CALN1: variants seen among roughly 807,000 people sequenced by gnomAD.
CALN1 encodes the protein calneuron 1.
CALN1 carries 17 observed loss-of-function variants against 30.6 expected under a neutral mutation model. The ratio of observed to expected loss-of-function variants is 0.56; its 90% CI spans 0.38 to 0.83. The LOEUF (loss-of-function observed/expected upper bound fraction) is 0.83, where lower values mean the gene tolerates loss of function less well. CALN1 is among the 40% of genes least tolerant of loss of function. CALN1 has a pLI of 0.00. For missense variants in CALN1, 291 were observed against 354.9 expected, an observed-to-expected ratio of 0.82 and a Z score of 1.45; for synonymous variants, 156 against 131.4, an observed-to-expected ratio of 1.19 and a Z score of -1.28.
chr7:72,405,685 G>A (rs1264167612), intron 1 of CALN1, among the ~76,000 whole-genome samples: 1 of 151,676 alleles, frequency 6.6e-6, no homozygotes, highest in Non-Finnish European at 1.5e-5. Flanking sequence ...AAGTTAAACA[G>A]GAGAAGCAAG....
At chr7:72,038,373 A>ATT (rs60584202) in intron 4 of CALN1, among the ~76,000 whole-genome samples, 4 of 144,678 alleles carry the variant, frequency 2.8e-5, no homozygotes, top group Non-Finnish European at 1.5e-5. Context: ...CCTAGTATCT[A>ATT]TTTTTTTTTT....
chr7:71,807,767 C>T (rs1787704484), intron 6 of CALN1, among the ~76,000 whole-genome samples: 1 of 151,948 alleles, frequency 6.6e-6, no homozygotes, highest in Non-Finnish European at 1.5e-5. Flanking sequence ...TGGTAAAACC[C>T]CATCTCTACT....
At chr7:72,091,059 G>C (rs1026439593) in intron 4 of CALN1, among the ~76,000 whole-genome samples, 3 of 152,148 alleles carry the variant, frequency 2.0e-5, no homozygotes, top group Non-Finnish European at 4.4e-5. Context: ...AGGGCGCGGT[G>C]GCTCATGCCT....
intron 5 of CALN1, among the ~76,000 whole-genome samples, chr7:71,857,039 T>TGTGG (rs1790999670): frequency 6.6e-6 from 1 of 151,650 alleles, no homozygotes; most frequent in African/African-American, 2.4e-5. Context: ...TGTGTGTGTG[T>TGTGG]GTGTGTGTGT....
chr7:71,917,597 A>G (rs1345330454), intron 5 of CALN1, among the ~76,000 whole-genome samples: 1 of 152,142 alleles, frequency 6.6e-6, no homozygotes, highest in African/African-American at 2.4e-5. Context: ...GGCCTCAGGA[A>G]ACTTACAATC....
At chr7:71,835,904 T>C (rs57404653) in intron 5 of CALN1, among the ~76,000 whole-genome samples, 2,610 of 152,302 alleles carry the variant, frequency 0.017, 56 homozygotes, top group African/African-American at 0.06. Context: ...ATTTGGAATA[T>C]TGCAAAGCAA....
intron 3 of CALN1, among the ~76,000 whole-genome samples, chr7:72,213,435 T>C (rs1207339571): frequency 6.6e-6 from 1 of 152,140 alleles, no homozygotes; most frequent in Non-Finnish European, 1.5e-5. Flanking sequence ...TGCCTGGGGC[T>C]GGGAGTGAGA....
intron 5 of CALN1, among the ~76,000 whole-genome samples, chr7:72,001,178 A>C (rs1201939131): frequency 1.3e-5 from 2 of 152,142 alleles, no homozygotes; most frequent in Non-Finnish European, 2.9e-5. Context: ...TCTCAATAAG[A>C]TCTCAGGAGT....
chr7:72,376,232 G>T (rs1353906554), intron 2 of CALN1, among the ~76,000 whole-genome samples: 3 of 152,130 alleles, frequency 2.0e-5, no homozygotes, highest in Non-Finnish European at 4.4e-5. Flanking sequence ...GTGAACATGT[G>T]TTTTCAATTC....
intron 3 of CALN1, among the ~76,000 whole-genome samples, chr7:72,137,432 G>T (rs1022267913): frequency 2.0e-5 from 3 of 152,152 alleles, no homozygotes; most frequent in Non-Finnish European, 4.4e-5. Flanking sequence ...ATATTTGTTG[G>T]AATCACCAAA....
intron 3 of CALN1, among the ~76,000 whole-genome samples, chr7:72,212,275 C>T (rs1042752832): frequency 6.8e-6 from 1 of 147,304 alleles, no homozygotes; most frequent in Admixed American, 7.0e-5. Context: ...CCTGAACCCA[C>T]GAGGTGGAGG....
At chr7:72,341,282 G>A (rs1802369408) in intron 2 of CALN1, among the ~76,000 whole-genome samples, 1 of 152,174 alleles carries the variant, frequency 6.6e-6, no homozygotes, top group Non-Finnish European at 1.5e-5. Context: ...CAGCACTTTG[G>A]GAAGCCGAGG....
At chr7:72,281,332 A>T (rs1309516022) in intron 2 of CALN1, among the ~76,000 whole-genome samples, 1 of 152,106 alleles carries the variant, frequency 6.6e-6, no homozygotes, top group Non-Finnish European at 1.5e-5. Flanking sequence ...TAAACAACCC[A>T]GTCTCAGGTA....
upstream of CALN1, among the ~76,000 whole-genome samples, chr7:72,451,722 A>T (rs902960160): frequency 6.6e-6 from 1 of 152,214 alleles, no homozygotes; most frequent in Non-Finnish European, 1.5e-5. Context: ...GTCAAGGACA[A>T]ATGAGAAGCT....
chr7:72,000,573 C>T (rs965682198), intron 5 of CALN1, among the ~76,000 whole-genome samples: 7 of 152,080 alleles, frequency 4.6e-5, no homozygotes, highest in Admixed American at 3.9e-4. Context: ...TAAATAGTTA[C>T]ATTGGAAAAT....
chr7:72,185,606 T>G (rs1439691077), intron 3 of CALN1, among the ~76,000 whole-genome samples: 1 of 152,162 alleles, frequency 6.6e-6, no homozygotes, highest in Non-Finnish European at 1.5e-5. Flanking sequence ...GAGAGTGATA[T>G]AGTTTAGCTC....
intron 4 of CALN1, among the ~76,000 whole-genome samples, chr7:72,091,753 C>G (rs950133392): frequency 6.6e-6 from 1 of 152,152 alleles, no homozygotes; most frequent in African/African-American, 2.4e-5. Context: ...GAGGGGATGG[C>G]CACTCAACTC....
chr7:72,261,128 T>C (rs1190466697), intron 3 of CALN1, among the ~76,000 whole-genome samples: 1 of 152,058 alleles, frequency 6.6e-6, no homozygotes, highest in Non-Finnish European at 1.5e-5. Context: ...GCCAACATAG[T>C]GAAACCCATC....
chr7:72,056,299 T>C lies in CALN1; in HGVS notation c.389-32530A>G, dbSNP rs183482722. On this transcript the variant is annotated intron_variant, in intron 4 of 6. Transcript: ENST00000395275. ...AAAGGAATTAAGGACAGTAATGCTATATCTAGTAATAAAATCTATTATAAA... is the reference window on the plus strand; with the variant it reads ...AAAGGAATTAAGGACAGTAATGCTACATCTAGTAATAAAATCTATTATAAA... Among the ~76,000 whole-genome samples the C allele has an allele frequency of 3.3e-5, 5 of 152,264 alleles. No individual in the cohort carries two copies. The East Asian group carries it at 9.6e-4, about 29-fold the overall frequency.
Sources: allele counts gnomAD v4.1 joint callset (sites outside exome capture counted in the v4.1 genomes callset), GRCh38; gene constraint gnomAD v4.1.1; transcripts MANE v1.5; gene names NCBI Gene and HGNC (gene_info 2026-07-23, HGNC 2026-07-21).